Variants in GABRB2 observed in about 807,000 individuals in gnomAD.
GABRB2 encodes gamma-aminobutyric acid receptor subunit beta-2.
GABRB2 carries 16 observed loss-of-function variants against 54.7 expected under a neutral mutation model. The ratio of observed to expected loss-of-function variants is 0.29; its 90% CI spans 0.20 to 0.44. The LOEUF (loss-of-function observed/expected upper bound fraction) is 0.44, where lower values mean the gene tolerates loss of function less well. GABRB2 is among the 20% of genes least tolerant of loss of function. GABRB2 has a pLI of 1.00. For missense variants in GABRB2, 355 were observed against 644.0 expected, an observed-to-expected ratio of 0.55 and a Z score of 4.86; for synonymous variants, 244 against 233.8, an observed-to-expected ratio of 1.04 and a Z score of -0.40.
intron 3 of GABRB2, among the ~76,000 whole-genome samples, chr5:161,523,446 T>C (rs1458052360): frequency 2.0e-5 from 3 of 151,460 alleles, no homozygotes; most frequent in Non-Finnish European, 4.4e-5. Context: ...CATTCAAGAA[T>C]TGTAGTTAAA....
intron 7 of GABRB2, among the ~76,000 whole-genome samples, chr5:161,331,862 G>C (rs1369159887): frequency 6.6e-6 from 1 of 151,996 alleles, no homozygotes; most frequent in Non-Finnish European, 1.5e-5. Flanking sequence ...AGCAGGCATG[G>C]CAGGAGTAAA....
chr5:161,402,371 T>C (rs1415591285), intron 5 of GABRB2, among the ~76,000 whole-genome samples: 1 of 152,108 alleles, frequency 6.6e-6, no homozygotes, highest in Non-Finnish European at 1.5e-5. Context: ...TATTCATATG[T>C]GTATTTAAAA....
At chr5:161,328,256 T>C (rs927878762) in intron 8 of GABRB2, among the ~76,000 whole-genome samples, 1 of 152,156 alleles carries the variant, frequency 6.6e-6, no homozygotes, top group Non-Finnish European at 1.5e-5. Context: ...GTAGAGCATA[T>C]AGAACACACA....
intron 4 of GABRB2, among the ~76,000 whole-genome samples, chr5:161,454,903 C>T: frequency 6.6e-6 from 1 of 152,086 alleles, no homozygotes; most frequent in East Asian, 1.9e-4. Flanking sequence ...AATCTGTTCC[C>T]AGAGCCCCTG....
chr5:161,507,657 A>G (rs1759648923), intron 3 of GABRB2, among the ~76,000 whole-genome samples: 1 of 152,064 alleles, frequency 6.6e-6, no homozygotes, highest in African/African-American at 2.4e-5. Flanking sequence ...CTCAATAACA[A>G]CGTGACACAC....
chr5:161,534,621 A>G (rs1226459598), intron 3 of GABRB2, among the ~76,000 whole-genome samples: 2 of 152,214 alleles, frequency 1.3e-5, no homozygotes, highest in African/African-American at 4.8e-5. Flanking sequence ...GTTGAAGGAA[A>G]AAAGCAACAG....
At chr5:161,521,829 CT>C (rs1003855571) in intron 3 of GABRB2, among the ~76,000 whole-genome samples, 1 of 151,960 alleles carries the variant, frequency 6.6e-6, no homozygotes. Flanking sequence ...TCATAAATCT[CT>C]GCCTCAACAA....
chr5:161,456,535 G>A (rs1249276805), intron 4 of GABRB2, among the ~76,000 whole-genome samples: 1 of 152,116 alleles, frequency 6.6e-6, no homozygotes. Context: ...TACATAAGCA[G>A]GACAGAATAG....
At chr5:161,525,864 TA>T (rs1425943705) in intron 3 of GABRB2, among the ~76,000 whole-genome samples, 1 of 151,150 alleles carries the variant, frequency 6.6e-6, no homozygotes, top group Non-Finnish European at 1.5e-5. Context: ...ACAGAAAAAA[TA>T]AAAATTTCAT....
chr5:161,459,335 C>T (rs546169233), intron 4 of GABRB2: 5 of 400,502 alleles, frequency 1.2e-5, no homozygotes, highest in African/African-American at 1.0e-4. Context: ...TAAAGAAACC[C>T]TATGTCTCAG....
chr5:161,305,644 C>T (rs1006303883), intron 9 of GABRB2, among the ~76,000 whole-genome samples: 1 of 152,188 alleles, frequency 6.6e-6, no homozygotes, highest in Non-Finnish European at 1.5e-5. Context: ...TCACACAACT[C>T]AAAAGCATTA....
In GABRB2 at chr5:161,333,732, AC is replaced by A. The variant is rs140723116; in HGVS notation, c.832+1019del. 6.9e-3 allele frequency among the ~76,000 whole-genome samples: 1,044 copies of A among 152,186 alleles called. 15 individuals are homozygous for A. The highest frequency in any genetic ancestry group is 0.023 in the African/African-American group (949 of 41,524). On this transcript the variant is annotated intron_variant, in intron 7 of 9. Coordinates refer to ENST00000393959, the MANE Select transcript of GABRB2 (RefSeq NM_001371727.1). The stretch of plus-strand genomic sequence containing the variant: ...CTGCTGACACTGTTGGTTTGTTCCT[AC>A]CCAGGGCCTTTGCAGTCATCTGGAA...
In GABRB2 at chr5:161,289,380, C is replaced by G. The variant is rs890715307; in HGVS notation, c.*4701G>C. The G allele has an allele frequency of 4.0e-5, 6 of 151,342 alleles. No homozygotes were observed. Among genetic ancestry groups the G allele is most frequent in the African/African-American group, 1.5e-4 (6 of 41,100 alleles). 9.4% of individuals were successfully genotyped at this position (151,342 alleles called of 1,614,324 possible). ...TGTGAAGCAGCGTCCTTTTTTTCCC[C>G]CATTATCTCATTTTTTTTTTCCTTT... On this transcript the variant is annotated 3_prime_UTR_variant, in exon 10 of 10. Transcript: ENST00000393959.
At chr5:161,375,077 A>G (rs1282729619) in intron 5 of GABRB2, among the ~76,000 whole-genome samples, 1 of 152,194 alleles carries the variant, frequency 6.6e-6, no homozygotes, top group Non-Finnish European at 1.5e-5. Context: ...TGCTTTTCAC[A>G]TACTTCATTT....
chr5:161,480,295 TG>T (rs1237663142), intron 3 of GABRB2, among the ~76,000 whole-genome samples: 2 of 152,008 alleles, frequency 1.3e-5, no homozygotes, highest in Non-Finnish European at 2.9e-5. Context: ...CACTGAAATT[TG>T]GGGTTTGATT....
intron 4 of GABRB2, among the ~76,000 whole-genome samples, chr5:161,442,235 C>G (rs990898119): frequency 6.6e-6 from 1 of 151,892 alleles, no homozygotes; most frequent in East Asian, 1.9e-4. Context: ...CTACTATGTA[C>G]CCCTACAAAT....
intron 5 of GABRB2, among the ~76,000 whole-genome samples, chr5:161,394,476 G>A (rs1190134714): frequency 6.6e-6 from 1 of 152,024 alleles, no homozygotes; most frequent in Middle Eastern, 3.4e-3. Flanking sequence ...ATCAATGATA[G>A]AGAATACAAA....
intron 5 of GABRB2, among the ~76,000 whole-genome samples, chr5:161,361,877 T>C (rs1234073032): frequency 6.6e-6 from 1 of 152,178 alleles, no homozygotes; most frequent in African/African-American, 2.4e-5. Context: ...TGGTATTGCC[T>C]AGGTTTTCTA....
chr5:161,331,948 G>A (rs1193558559), intron 7 of GABRB2, among the ~76,000 whole-genome samples: 5 of 151,850 alleles, frequency 3.3e-5, no homozygotes, highest in African/African-American at 1.2e-4. Context: ...GGTGGATCAC[G>A]AGGTCAGGAG....
Sources: allele counts gnomAD v4.1 joint callset (sites outside exome capture counted in the v4.1 genomes callset), GRCh38; gene constraint gnomAD v4.1.1; transcripts MANE v1.5; gene names NCBI Gene and HGNC (gene_info 2026-07-23, HGNC 2026-07-21).